The following LRRC4C variants were observed in gnomAD, a reference collection of about 807,000 sequenced individuals.
LRRC4C encodes leucine-rich repeat-containing protein 4C.
In LRRC4C, 5 loss-of-function variants were observed where a neutral mutation model predicts 33.6. That is an observed-to-expected ratio of 0.15 (90% CI 0.08 to 0.31). The LOEUF (loss-of-function observed/expected upper bound fraction) is 0.31. Ranked by LOEUF, LRRC4C falls within the 10% of genes least tolerant of loss-of-function variation. LRRC4C has a pLI of 1.00. For missense variants in LRRC4C, 560 were observed against 796.7 expected, an observed-to-expected ratio of 0.70 and a Z score of 3.58; for synonymous variants, 329 against 302.0, an observed-to-expected ratio of 1.09 and a Z score of -0.93.
rs143502870 is a variant in LRRC4C at position 40,810,013 on chromosome 11, G to T, written c.-407+123622C>A. Among the ~76,000 whole-genome samples, 683 of 152,096 alleles carry T rather than the reference G, an allele frequency of 4.5e-3. 2 individuals carry two copies. The highest frequency in any genetic ancestry group is 6.8e-3 in the Middle Eastern group (2 of 294). On this transcript the variant is annotated intron_variant, in intron 2 of 6. Transcript: ENST00000528697. ...CATCCTTTCCTATTGCTTCATTTAGGCATTTTCCTCACAGCAAATATTTTT... is the reference window on the plus strand; with the variant it reads ...CATCCTTTCCTATTGCTTCATTTAGTCATTTTCCTCACAGCAAATATTTTT...
chr11:40,280,334 G>A (rs540144752), intron 4 of LRRC4C, among the ~76,000 whole-genome samples: 1 of 152,290 alleles, frequency 6.6e-6, no homozygotes, highest in South Asian at 2.1e-4. Context: ...GCGCTGTGCC[G>A]GCAAAGCACT....
chr11:41,295,758 A>C (rs891851022), intron 1 of LRRC4C, among the ~76,000 whole-genome samples: 15 of 152,064 alleles, frequency 9.9e-5, no homozygotes, highest in Non-Finnish European at 2.1e-4. Flanking sequence ...ATTTCCATCT[A>C]CCTGATGTTT....
chr11:41,450,222 C>G (rs1366097105), intron 1 of LRRC4C, among the ~76,000 whole-genome samples: 5 of 151,998 alleles, frequency 3.3e-5, no homozygotes, highest in Non-Finnish European at 5.9e-5. Context: ...CTGTACAAGG[C>G]ACTGGCACCC....
chr11:40,819,195 T>A (rs1322602413), intron 2 of LRRC4C, among the ~76,000 whole-genome samples: 1 of 152,072 alleles, frequency 6.6e-6, no homozygotes, highest in Non-Finnish European at 1.5e-5. Context: ...TGGTAGGACA[T>A]CCAGATATGG....
intron 3 of LRRC4C, among the ~76,000 whole-genome samples, chr11:40,425,853 C>T (rs1411409496): frequency 6.6e-6 from 1 of 152,134 alleles, no homozygotes; most frequent in East Asian, 1.9e-4. Flanking sequence ...TTCCATTCCA[C>T]CCACTTGTCT....
chr11:41,109,047 A>G (rs1413498640), intron 1 of LRRC4C, among the ~76,000 whole-genome samples: 2 of 152,066 alleles, frequency 1.3e-5, no homozygotes, highest in Admixed American at 6.6e-5. Context: ...TATATAGATA[A>G]TTGTATTAGT....
intron 2 of LRRC4C, among the ~76,000 whole-genome samples, chr11:40,739,737 T>C (rs1287217528): frequency 6.6e-6 from 1 of 152,012 alleles, no homozygotes; most frequent in Non-Finnish European, 1.5e-5. Flanking sequence ...CACTCTCTCC[T>C]GCTTTCTTGC....
chr11:41,318,981 G>T (rs781601531), intron 1 of LRRC4C, among the ~76,000 whole-genome samples: 8 of 152,180 alleles, frequency 5.3e-5, no homozygotes, highest in Non-Finnish European at 1.2e-4. Context: ...GAACATAACG[G>T]AACCTCAATT....
chr11:40,259,479 C>T (rs1223876853), intron 4 of LRRC4C, among the ~76,000 whole-genome samples: 1 of 151,856 alleles, frequency 6.6e-6, no homozygotes, highest in Non-Finnish European at 1.5e-5. Context: ...GACATGAAGT[C>T]CTTGCCCATG....
chr11:40,978,693 C>A (rs1443886315), intron 1 of LRRC4C, among the ~76,000 whole-genome samples: 1 of 151,030 alleles, frequency 6.6e-6, no homozygotes, highest in Non-Finnish European at 1.5e-5. Flanking sequence ...GCACTCTCAG[C>A]TCACTGCAAC....
At chr11:40,784,789 T>TA (rs1950343952) in intron 2 of LRRC4C, among the ~76,000 whole-genome samples, 1 of 152,124 alleles carries the variant, frequency 6.6e-6, no homozygotes. Context: ...ATCTTTAGTC[T>TA]AGAAAGGGTA....
chr11:41,301,101 G>C (rs768587090), intron 1 of LRRC4C, among the ~76,000 whole-genome samples: 1 of 152,096 alleles, frequency 6.6e-6, no homozygotes, highest in African/African-American at 2.4e-5. Flanking sequence ...TGATTCTCTC[G>C]ATTCTCTGTA....
chr11:40,544,422 G>C (rs566268496), intron 3 of LRRC4C, among the ~76,000 whole-genome samples: 27 of 152,168 alleles, frequency 1.8e-4, no homozygotes, highest in Non-Finnish European at 3.1e-4. Flanking sequence ...AAATATTACT[G>C]ACGACACACA....
intron 4 of LRRC4C, among the ~76,000 whole-genome samples, chr11:40,254,362 C>T (rs749622365): frequency 9.9e-5 from 15 of 152,134 alleles, no homozygotes; most frequent in Non-Finnish European, 1.8e-4. Context: ...CATGGTGATG[C>T]CATAGATTGT....
intron 1 of LRRC4C, among the ~76,000 whole-genome samples, chr11:41,068,408 A>T (rs1405576299): frequency 6.6e-6 from 1 of 152,166 alleles, no homozygotes; most frequent in Non-Finnish European, 1.5e-5. Flanking sequence ...CAACAAAAAA[A>T]AATAAATAAA....
intron 2 of LRRC4C, among the ~76,000 whole-genome samples, chr11:40,891,620 GACAA>G (rs1445840876): frequency 1.3e-5 from 2 of 152,022 alleles, no homozygotes; most frequent in African/African-American, 4.8e-5. Flanking sequence ...TTCAAACTAA[GACAA>G]ACAAAAGGCA....
intron 1 of LRRC4C, among the ~76,000 whole-genome samples, chr11:41,299,415 C>T (rs2137066155): frequency 6.6e-6 from 1 of 152,204 alleles, no homozygotes; most frequent in South Asian, 2.1e-4. Flanking sequence ...TTGAAGCCCA[C>T]TTTATTATTT....
chr11:40,592,541 G>T (rs1264858055), intron 3 of LRRC4C, among the ~76,000 whole-genome samples: 1 of 152,170 alleles, frequency 6.6e-6, no homozygotes, highest in Admixed American at 6.5e-5. Context: ...TGTGGGAAGA[G>T]GACTCAAGGA....
At chr11:40,845,828 C>T (rs2135696013) in intron 2 of LRRC4C, among the ~76,000 whole-genome samples, 1 of 152,276 alleles carries the variant, frequency 6.6e-6, no homozygotes, top group Non-Finnish European at 1.5e-5. Flanking sequence ...TTCTCCACAT[C>T]CTCTGTAGCA....
Sources: allele counts gnomAD v4.1 joint callset (sites outside exome capture counted in the v4.1 genomes callset), GRCh38; gene constraint gnomAD v4.1.1; transcripts MANE v1.5; gene names NCBI Gene and HGNC (gene_info 2026-07-23, HGNC 2026-07-21).